CAMKMT: variants seen among roughly 807,000 people sequenced by gnomAD.
The protein encoded by CAMKMT is calmodulin-lysine N-methyltransferase.
In CAMKMT, 53 loss-of-function variants were observed where a neutral mutation model predicts 48.0. The observed-to-expected ratio is 1.10, with a 90% CI of 0.89 to 1.39. The LOEUF is 1.39. Among genes scored for constraint, CAMKMT ranks in the 40% most tolerant of loss-of-function variants. The pLI, the probability that CAMKMT is intolerant of heterozygous loss-of-function variation, is 0.00. For missense variants in CAMKMT, 428 were observed against 402.7 expected (o/e 1.06, Z -0.54); for synonymous variants, 165 against 152.3 (o/e 1.08, Z -0.61).
chr2:44,474,959 A>G (rs1014271002), intron 3 of CAMKMT, among the ~76,000 whole-genome samples: 2 of 152,212 alleles, frequency 1.3e-5, no homozygotes, highest in African/African-American at 4.8e-5. Flanking sequence ...GGCCAGACAC[A>G]AGAATGACAA....
chr2:44,611,908 G>A (rs1261728061), intron 3 of CAMKMT, among the ~76,000 whole-genome samples: 1 of 151,982 alleles, frequency 6.6e-6, no homozygotes. Context: ...CAGAGCAAGA[G>A]CTCACTTATC....
At chr2:44,614,408 C>G (rs1034898862) in intron 3 of CAMKMT, among the ~76,000 whole-genome samples, 4 of 152,184 alleles carry the variant, frequency 2.6e-5, no homozygotes, top group African/African-American at 7.2e-5. Flanking sequence ...GCATTGCATT[C>G]TTCATATTTG....
intron 8 of CAMKMT, among the ~76,000 whole-genome samples, chr2:44,750,070 A>G (rs920964153): frequency 4.5e-4 from 69 of 152,310 alleles, no homozygotes; most frequent in East Asian, 1.9e-4. Context: ...ACAGTTTTCC[A>G]TATTACTTTC....
At chr2:44,436,187 T>A in intron 3 of CAMKMT, among the ~76,000 whole-genome samples, 2 of 152,160 alleles carry the variant, frequency 1.3e-5, no homozygotes, top group Non-Finnish European at 2.9e-5. Context: ...GCGATTCTCG[T>A]GCCTCAGCCA....
At chr2:44,435,970 A>AC (rs1188437384) in intron 3 of CAMKMT, among the ~76,000 whole-genome samples, 5 of 152,294 alleles carry the variant, frequency 3.3e-5, no homozygotes, top group Non-Finnish European at 7.4e-5. Flanking sequence ...TTATGTTTAT[A>AC]CCCATTTTAC....
chr2:44,482,888 G>C (rs1041127206), intron 3 of CAMKMT, among the ~76,000 whole-genome samples: 14 of 152,082 alleles, frequency 9.2e-5, no homozygotes, highest in African/African-American at 3.4e-4. Flanking sequence ...TGTGCATCTA[G>C]TTTCGTGACC....
At position 44,455,337 on chromosome 2, in the gene CAMKMT, A is replaced by G. The variant is rs190352567; in HGVS notation, c.376+65032A>G. On this transcript the variant is annotated intron_variant, in intron 3 of 10. Coordinates refer to ENST00000378494, the MANE Select transcript of CAMKMT (RefSeq NM_024766.5). ...TGGATGCTTTCTGTGTTATGTGACT[A>G]CATTTTTCTTTCTGCTTGCCCTTTG... Among the ~76,000 whole-genome samples the G allele has an allele frequency of 2.7e-3, 414 of 152,240 alleles. 1 individual carries two copies. Among genetic ancestry groups the G allele is most frequent in the African/African-American group, 9.3e-3 (385 of 41,548 alleles).
At chr2:44,396,741 T>TAA (rs35453105) in intron 3 of CAMKMT, among the ~76,000 whole-genome samples, 1 of 132,344 alleles carries the variant, frequency 7.6e-6, no homozygotes. Flanking sequence ...ATTACCTTTC[T>TAA]AAAAAAAAAA....
intron 3 of CAMKMT, among the ~76,000 whole-genome samples, chr2:44,478,861 G>A (rs1026792808): frequency 6.6e-6 from 1 of 151,850 alleles, no homozygotes; most frequent in Non-Finnish European, 1.5e-5. Context: ...CCACCACGCC[G>A]GCTAATTTTT....
intron 3 of CAMKMT, among the ~76,000 whole-genome samples, chr2:44,408,427 G>A (rs759444582): frequency 6.6e-6 from 1 of 151,932 alleles, no homozygotes; most frequent in Admixed American, 6.6e-5. Context: ...TTATAGAAAG[G>A]TTTCTTGTTT....
chr2:44,375,171 G>GT (rs148190917), intron 2 of CAMKMT, among the ~76,000 whole-genome samples: 12,145 of 146,998 alleles, frequency 0.083, 585 homozygotes, highest in South Asian at 0.14. Flanking sequence ...CAGGGTTTCT[G>GT]TTTTTTTTTT....
At chr2:44,612,390 C>T (rs1671648772) in intron 3 of CAMKMT, among the ~76,000 whole-genome samples, 1 of 152,136 alleles carries the variant, frequency 6.6e-6, no homozygotes, top group Non-Finnish European at 1.5e-5. Flanking sequence ...ATCACCATAG[C>T]TTTAGTTGTC....
chr2:44,752,688 C>T (rs970560453), intron 8 of CAMKMT, among the ~76,000 whole-genome samples: 7 of 152,176 alleles, frequency 4.6e-5, no homozygotes, highest in South Asian at 2.1e-4. Context: ...GATCAAGGCA[C>T]GGGCAGGTTG....
intron 3 of CAMKMT, among the ~76,000 whole-genome samples, chr2:44,578,312 C>A (rs1382375279): frequency 6.6e-6 from 1 of 152,194 alleles, no homozygotes; most frequent in Non-Finnish European, 1.5e-5. Flanking sequence ...CTAATAATTT[C>A]ATATGGAAAT....
chr2:44,615,466 C>G (rs1200186265), intron 3 of CAMKMT, among the ~76,000 whole-genome samples: 1 of 152,086 alleles, frequency 6.6e-6, no homozygotes, highest in Non-Finnish European at 1.5e-5. Context: ...ATTACTAGAA[C>G]TTGGTGACTG....
chr2:44,611,479 A>G (rs1476849220), intron 3 of CAMKMT, among the ~76,000 whole-genome samples: 1 of 151,818 alleles, frequency 6.6e-6, no homozygotes, highest in East Asian at 1.9e-4. Context: ...TTTTAGGAGA[A>G]TACAGAACAA....
At chr2:44,516,142 A>G (rs1043154721) in intron 3 of CAMKMT, among the ~76,000 whole-genome samples, 1 of 152,176 alleles carries the variant, frequency 6.6e-6, no homozygotes, top group Non-Finnish European at 1.5e-5. Context: ...TGAAACACCA[A>G]ATGTTCCAGT....
At chr2:44,639,368 G>C (rs970087125) in intron 3 of CAMKMT, among the ~76,000 whole-genome samples, 2 of 152,190 alleles carry the variant, frequency 1.3e-5, no homozygotes, top group Non-Finnish European at 2.9e-5. Context: ...CAGTTCTTAT[G>C]GACAGCTTAG....
chr2:44,515,053 A>G (rs984196084), intron 3 of CAMKMT, among the ~76,000 whole-genome samples: 4 of 152,202 alleles, frequency 2.6e-5, no homozygotes, highest in Non-Finnish European at 2.9e-5. Flanking sequence ...GACCTGATAT[A>G]CTTTTGTGTC....
Sources: gnomAD v4.1 joint callset for allele counts (sites outside exome capture counted in the v4.1 genomes callset) on GRCh38, gnomAD v4.1.1 for gene constraint, MANE v1.5 for transcripts, NCBI Gene and HGNC (gene_info 2026-07-23, HGNC 2026-07-21) for gene names.